The following TMC3 variants were observed in gnomAD, a reference collection of about 807,000 sequenced individuals.
TMC3 encodes the protein transmembrane channel-like protein 3.
In TMC3, 98 loss-of-function variants were observed where a neutral mutation model predicts 110.6. The ratio of observed to expected loss-of-function variants is 0.89; its 90% CI spans 0.75 to 1.05. The LOEUF is 1.05. TMC3 is among the 50% of genes least tolerant of loss of function. The pLI, the probability that TMC3 is intolerant of heterozygous loss-of-function variation, is 0.00. For missense variants in TMC3, 1,319 were observed against 1,373.2 expected, an observed-to-expected ratio of 0.96 and a Z score of 0.62; for synonymous variants, 489 against 513.1, an observed-to-expected ratio of 0.95 and a Z score of 0.63.
chr15:81,346,302 G>T (rs1282463805), intron 12 of TMC3, 63 bp downstream of exon 12: 10 of 1,407,780 alleles, frequency 7.1e-6, no homozygotes, highest in Non-Finnish European at 1.0e-5. Context: ...TGACCCTGGT[G>T]TTGGGAGGAG....
intron 3 of TMC3, among the ~76,000 whole-genome samples, chr15:81,365,663 T>A (rs1428573103): frequency 8.6e-6 from 1 of 116,240 alleles, no homozygotes; most frequent in East Asian, 2.6e-4. Flanking sequence ...AGAGCAAGAC[T>A]CTGTCTCAAA....
chr15:81,353,724 A>G (rs1894000453), intron 9 of TMC3, among the ~76,000 whole-genome samples: 2 of 152,250 alleles, frequency 1.3e-5, no homozygotes, highest in Admixed American at 1.3e-4. Flanking sequence ...TCACACAAGG[A>G]CAACATTGTG....
chr15:81,336,759 G>T, intron 19 of TMC3, 108 bp from the exon 20 acceptor site: 1 of 1,160,940 alleles, frequency 8.6e-7, no homozygotes, highest in Non-Finnish European at 1.3e-6. Flanking sequence ...TTCTTACCTT[G>T]GACCATAACT....
In TMC3 at chr15:81,359,373, T is replaced by C. The variant is rs1273717822; in HGVS notation, c.493A>G (p.Ile165Val). Residue 165 changes from isoleucine (I) to valine (V), a missense_variant, in exon 5 of 22, where the codon ATT becomes GTT. By Grantham distance (29) the Ile-to-Val change is conservative. Coordinates refer to ENST00000359440, the MANE Select transcript of TMC3 (RefSeq NM_001080532.3). ...TTCCTGAAACATCTTACCTCTGGAA[T>C]GACAATAAAAGCACCTGTCATAATG... ...LTIMTGAFIV[I>V]PELIAGQPFG... 1 of 1,599,658 alleles carries C rather than the reference T, an allele frequency of 6.3e-7. No homozygotes were observed. Among genetic ancestry groups the C allele is most frequent in the Admixed American group, 1.8e-5 (1 of 57,080 alleles).
chr15:81,356,226 G>T (rs1894057458), intron 8 of TMC3, among the ~76,000 whole-genome samples: 1 of 152,078 alleles, frequency 6.6e-6, no homozygotes, highest in Admixed American at 6.6e-5. Flanking sequence ...AGGATAAAAT[G>T]GAAAAGTTTA....
chr15:81,343,045 G>A (rs1417935499), intron 15 of TMC3: 17 of 448,958 alleles, frequency 3.8e-5, no homozygotes, highest in Non-Finnish European at 1.2e-5. Context: ...GATTTTTTTC[G>A]GCTGCGACCA....
rs771430628 is a variant in TMC3, at chr15:81,351,755, A to C, written c.1022T>G (p.Val341Gly). 10 of 1,595,458 alleles carry C rather than the reference A, an allele frequency of 6.3e-6. No individual in the cohort carries two copies. The African/African-American group carries it at 1.3e-4, about 21-fold the overall frequency. Residue 341 changes from valine (V) to glycine (G), a missense_variant, in exon 10 of 22, where the codon GTG becomes GGG. Coordinates refer to ENST00000359440, the MANE Select transcript of TMC3 (RefSeq NM_001080532.3). ...CTGCTCCAGCTTCTGGGACCGGTCC[A>C]CCACAAAGTAGATGAGATAAATGCT... The part of the protein sequence containing the change: ...AGSIYLIYFV[V>G]DRSQKLEQSK...
Position 81,362,277 on chromosome 15 carries a change from C to G in TMC3, c.337G>C (p.Ala113Pro), listed in dbSNP as rs78124976. 1.7e-4 allele frequency: 272 copies of G among 1,612,304 alleles called. 2 individuals carry two copies. In the South Asian group the frequency reaches 2.4e-3, roughly 14 times the overall value. ...AELWRKFARL[A>P]CNFVVIFIPW... ...ATGAAGATGACCACAAAGTTACAGG[C>G]GAGACGAGCAAATTTCCGCCAGAGC... The change falls in exon 4 of 22, where the codon GCC becomes CCC. Residue 113 changes from alanine to proline, a missense_variant. Physicochemically the swap from Ala to Pro is conservative, Grantham distance 27. Transcript: ENST00000359440.
intron 4 of TMC3, among the ~76,000 whole-genome samples, chr15:81,361,196 G>A (rs113527868): frequency 1.4e-4 from 21 of 151,568 alleles, no homozygotes; most frequent in Admixed American, 5.3e-4. Context: ...CTTTTTTTAG[G>A]TAATTAAAAA....
At chr15:81,341,678 C>T (rs1596081351) in intron 15 of TMC3, 160 bp from the exon 16 acceptor site, 3 of 593,370 alleles carry the variant, frequency 5.1e-6, no homozygotes, top group Admixed American at 3.3e-5. Context: ...CACAACCCTC[C>T]ACCTTCTAAA....
At chr15:81,336,704 C>T (rs1385513216) in intron 19 of TMC3, 53 bp from the exon 20 acceptor site, 2 of 1,559,690 alleles carry the variant, frequency 1.3e-6, no homozygotes, top group African/African-American at 2.7e-5. Context: ...GAAGCAGTAA[C>T]AAATATTATT....
In TMC3 at chr15:81,369,989, G is replaced by A. The variant is rs111665125; in HGVS notation, c.237-1661C>T. Among the ~76,000 whole-genome samples the A allele has an allele frequency of 3.3e-3, 497 of 152,194 alleles. 1 individual carries two copies. Among genetic ancestry groups the A allele is most frequent in the Middle Eastern group, 0.014 (4 of 294 alleles). On this transcript the variant is annotated intron_variant, in intron 2 of 21. Coordinates refer to ENST00000359440, the MANE Select transcript of TMC3 (RefSeq NM_001080532.3). ...CCTGGAAGAGTTCACTACCTAATAG[G>A]GATGACAGAGACCTTTAAAGACAAT... is the stretch of plus-strand genomic sequence containing the variant.
chr15:81,360,504 A>C (rs1464294754), intron 4 of TMC3, among the ~76,000 whole-genome samples: 3 of 152,222 alleles, frequency 2.0e-5, no homozygotes, highest in African/African-American at 7.2e-5. Context: ...TATAATAAAT[A>C]ATATCTGTCT....
At chr15:81,363,615 A>G (rs969708575) in intron 3 of TMC3, among the ~76,000 whole-genome samples, 7 of 152,218 alleles carry the variant, frequency 4.6e-5, no homozygotes, top group African/African-American at 1.7e-4. Context: ...TCTTCTGTTC[A>G]TGATTTGAGA....
At chr15:81,360,972 CT>C (rs59270312) in intron 4 of TMC3, among the ~76,000 whole-genome samples, 2,353 of 134,086 alleles carry the variant, frequency 0.018, 59 homozygotes, top group African/African-American at 0.052. Context: ...ACGGTTTTCT[CT>C]TTTTTTTTTT....
intron 18 of TMC3, 57 bp from the exon 19 acceptor site, chr15:81,337,981 A>C: frequency 7.3e-7 from 1 of 1,368,536 alleles, no homozygotes. Flanking sequence ...TCTGCTTTTC[A>C]GACCACATTC....
At chr15:81,360,293 G>A (rs191512800) in intron 4 of TMC3, among the ~76,000 whole-genome samples, 1 of 152,188 alleles carries the variant, frequency 6.6e-6, no homozygotes, top group Non-Finnish European at 1.5e-5. Flanking sequence ...TACAAATAAT[G>A]TTTTTGTATA....
In TMC3 at chr15:81,344,968, G is replaced by C. The variant is rs1421751224; in HGVS notation, c.1316C>G (p.Thr439Ser). 1 of 1,604,468 alleles carries C rather than the reference G, an allele frequency of 6.2e-7. No individual in the cohort carries two copies. The highest frequency in any genetic ancestry group is 1.3e-5 in the African/African-American group (1 of 74,798). The stretch of plus-strand genomic sequence containing the variant: ...GGCTGTCCTGGTTGCAAAGAAGGTG[G>C]TGGAATCTATCCAATGACTTGTGTT... ...KNNTSHWIDS[T>S]TFFATRTAPE... is the part of the protein sequence containing the mutation. Residue 439 changes from threonine (T) to serine (S), a missense_variant, in exon 13 of 22, where the codon ACC (threonine) becomes AGC (serine). Coordinates refer to ENST00000359440, the MANE Select transcript of TMC3 (RefSeq NM_001080532.3).
chr15:81,359,283 A>G (rs55904609), intron 5 of TMC3, 82 bp downstream of exon 5: 109,007 of 1,006,948 alleles, frequency 0.11, 6,587 homozygotes, highest in East Asian at 0.23. Context: ...CATCCCCACA[A>G]TGATAACCAG....
Sources: allele counts gnomAD v4.1 joint callset (sites outside exome capture counted in the v4.1 genomes callset), GRCh38; gene constraint gnomAD v4.1.1; transcripts MANE v1.5; gene names NCBI Gene and HGNC (gene_info 2026-07-23, HGNC 2026-07-21).